PWWP3B: variants seen among roughly 807,000 people sequenced by gnomAD.
The protein encoded by PWWP3B is PWWP domain-containing DNA repair factor 3B.
Under a neutral mutation model 15.7 loss-of-function variants are expected in PWWP3B, and 5 were observed. That is an observed-to-expected ratio of 0.32 (90% CI 0.17 to 0.67). PWWP3B has a LOEUF of 0.67. Among genes scored for constraint, PWWP3B ranks in the 30% least tolerant of loss-of-function variants. The probability of loss-of-function intolerance (pLI) is 0.74; values close to 1 mark genes in which losing one functional copy is unlikely to be tolerated. For synonymous variants in PWWP3B, 203 were observed against 179.8 expected, an observed-to-expected ratio of 1.13 and a Z score of -1.03; for missense variants, 519 against 493.1, an observed-to-expected ratio of 1.05 and a Z score of -0.50.
At chrX:106,193,698 T>C (rs984999402) in intron 2 of PWWP3B, among the ~76,000 whole-genome samples, 3 of 112,281 alleles carry the variant, frequency 2.7e-5, no homozygotes, top group African/African-American at 9.7e-5. Flanking sequence ...TTTCCATGTT[T>C]AGTGCTTCCT....
intron 2 of PWWP3B, among the ~76,000 whole-genome samples, chrX:106,173,033 C>A (rs936853951): frequency 4.5e-5 from 5 of 112,041 alleles, no homozygotes; most frequent in African/African-American, 1.6e-4. Context: ...TGACTATATT[C>A]TCTTAAATAA....
At chrX:106,203,412 T>A (rs942133933) in intron 2 of PWWP3B, among the ~76,000 whole-genome samples, 6 of 111,571 alleles carry the variant, frequency 5.4e-5, no homozygotes, top group African/African-American at 6.5e-5. Flanking sequence ...CTGTATGTAG[T>A]CCTTATGGAA....
intron 2 of PWWP3B, among the ~76,000 whole-genome samples, chrX:106,172,458 T>A (rs957113084): frequency 1.4e-4 from 16 of 111,062 alleles, no homozygotes; most frequent in African/African-American, 3.3e-4. Context: ...TTTTAAAAAA[T>A]TTTTTATTTT....
chrX:106,170,420 T>C (rs1277231138), intron 1 of PWWP3B, among the ~76,000 whole-genome samples: 3 of 111,900 alleles, frequency 2.7e-5, no homozygotes, highest in African/African-American at 9.7e-5. Flanking sequence ...AATGAGAACA[T>C]TATGATCCCA....
chrX:106,186,559 T>G (rs1922522454), intron 2 of PWWP3B, among the ~76,000 whole-genome samples: 1 of 111,413 alleles, frequency 9.0e-6, no homozygotes, highest in African/African-American at 3.3e-5. Flanking sequence ...CCTTCGTGTT[T>G]GCCAAGATGT....
chrX:106,195,678 A>G (rs908273256), intron 2 of PWWP3B, among the ~76,000 whole-genome samples: 2 of 112,027 alleles, frequency 1.8e-5, no homozygotes, highest in African/African-American at 6.5e-5. Flanking sequence ...TCCTATGTCA[A>G]TAAGAAACTG....
intron 2 of PWWP3B, among the ~76,000 whole-genome samples, chrX:106,192,351 G>C (rs1259507255): frequency 8.9e-6 from 1 of 111,767 alleles, no homozygotes; most frequent in African/African-American, 3.3e-5. Flanking sequence ...AGTATTCTCT[G>C]ATGGTAGTTT....
At chrX:106,189,839 G>A (rs1287056541) in intron 2 of PWWP3B, among the ~76,000 whole-genome samples, 21 of 110,344 alleles carry the variant, frequency 1.9e-4, no homozygotes, top group African/African-American at 5.9e-4. Context: ...GGATGGTCTC[G>A]ATCTCCTGAC....
At chrX:106,187,089 G>C (rs1353251004) in intron 2 of PWWP3B, among the ~76,000 whole-genome samples, 2 of 111,766 alleles carry the variant, frequency 1.8e-5, no homozygotes, top group Non-Finnish European at 3.8e-5. Context: ...GTCCTGTCCT[G>C]GTTTTTTTTC....
At chrX:106,192,411 A>C (rs1396742366) in intron 2 of PWWP3B, among the ~76,000 whole-genome samples, 1 of 109,771 alleles carries the variant, frequency 9.1e-6, no homozygotes, top group East Asian at 2.9e-4. Flanking sequence ...TTTTTATTGC[A>C]TCTATTTGAT....
chrX:106,204,937 C>T (rs1369796639), intron 3 of PWWP3B, among the ~76,000 whole-genome samples: 1 of 111,216 alleles, frequency 9.0e-6, no homozygotes, highest in Non-Finnish European at 1.9e-5. Context: ...GACATCCCAT[C>T]ACAAGCTCTC....
chrX:106,189,234 T>TTTA (rs1048305709), intron 2 of PWWP3B, among the ~76,000 whole-genome samples: 1 of 111,860 alleles, frequency 8.9e-6, no homozygotes, highest in East Asian at 2.8e-4. Context: ...TTTTTAAAAT[T>TTTA]TTATTATTAT....
chrX:106,183,590 G>A (rs1922335089), intron 2 of PWWP3B, among the ~76,000 whole-genome samples: 2 of 112,081 alleles, frequency 1.8e-5, no homozygotes, highest in South Asian at 7.5e-4. Context: ...GGGACTTTTA[G>A]GCATAAGAAA....
At chrX:106,199,258 G>A (rs944353110) in intron 2 of PWWP3B, among the ~76,000 whole-genome samples, 19 of 110,607 alleles carry the variant, frequency 1.7e-4, no homozygotes, top group South Asian at 1.2e-3. Flanking sequence ...GGGTTTCACC[G>A]TGTTAGCCAG....
In PWWP3B at chrX:106,206,067, T is replaced by C. The variant is rs780397915; in HGVS notation, c.635T>C (p.Ile212Thr). Reference protein sequence around the residue: ...DNDEKENKNKIDISAVMSVHS... With the variant: ...DNDEKENKNKTDISAVMSVHS... ...GATGAAAAAGAGAACAAGAATAAGA[T>C]TGATATCTCAGCAGTTATGTCTGTG... is the stretch of plus-strand genomic sequence containing the variant. The change falls in exon 4 of 4, where the codon ATT becomes ACT. Residue 212 changes from isoleucine to threonine, a missense_variant. Coordinates refer to ENST00000357175, the MANE Select transcript of PWWP3B (RefSeq NM_001171020.2). 36 of 1,209,369 alleles carry C rather than the reference T, an allele frequency of 3.0e-5. No individual in the cohort carries two copies. The highest frequency in any genetic ancestry group is 3.5e-5 in the South Asian group (2 of 56,570).
At chrX:106,204,868 C>CT (rs1923899666) in intron 3 of PWWP3B, among the ~76,000 whole-genome samples, 1 of 111,437 alleles carries the variant, frequency 9.0e-6, no homozygotes, top group African/African-American at 3.3e-5. Context: ...AGACCCACTG[C>CT]TATAAGTATG....
At chrX:106,184,801 A>G (rs751934089) in intron 2 of PWWP3B, among the ~76,000 whole-genome samples, 29 of 111,485 alleles carry the variant, frequency 2.6e-4, no homozygotes, top group African/African-American at 9.1e-4. Flanking sequence ...GGAGAAGGGG[A>G]CATGTACCCA....
chrX:106,199,976 G>T (rs1256122033), intron 2 of PWWP3B, among the ~76,000 whole-genome samples: 1 of 111,769 alleles, frequency 8.9e-6, no homozygotes, highest in African/African-American at 3.3e-5. Context: ...AACGCTACAT[G>T]TTTGTCAACC....
chrX:106,193,406 A>G (rs1235518175), intron 2 of PWWP3B, among the ~76,000 whole-genome samples: 1 of 111,034 alleles, frequency 9.0e-6, no homozygotes, highest in Non-Finnish European at 1.9e-5. Flanking sequence ...ATCTTCCTCC[A>G]TCCCTTTATT....
Sources: allele counts gnomAD v4.1 joint callset (sites outside exome capture counted in the v4.1 genomes callset), GRCh38; gene constraint gnomAD v4.1.1; transcripts MANE v1.5; gene names NCBI Gene and HGNC (gene_info 2026-07-23, HGNC 2026-07-21).